RELCH: variants seen among roughly 807,000 people sequenced by gnomAD.
RELCH encodes RAB11 binding and LisH domain, coiled-coil and HEAT repeat containing.
In RELCH, 41 loss-of-function variants were observed where a neutral mutation model predicts 150.3. The observed-to-expected ratio is 0.27, with a 90% CI of 0.21 to 0.35. The LOEUF (loss-of-function observed/expected upper bound fraction) is 0.35. RELCH is among the 10% of genes least tolerant of loss of function. RELCH has a pLI of 1.00. For synonymous variants in RELCH, 478 were observed against 531.8 expected, an observed-to-expected ratio of 0.90 and a Z score of 1.39; for missense variants, 1,092 against 1,467.8, an observed-to-expected ratio of 0.74 and a Z score of 4.18.
At chr18:62,298,269 C>G (rs2045511754) in intron 27 of RELCH, among the ~76,000 whole-genome samples, 1 of 152,184 alleles carries the variant, frequency 6.6e-6, no homozygotes, top group South Asian at 2.1e-4. Context: ...ATCACTCACT[C>G]AGTCTCCCTG....
rs532765411 is a variant in RELCH, at chr18:62,273,141, TTTA to T, written c.2761-834_2761-832del. Among the ~76,000 whole-genome samples, 152 of 152,184 alleles carry T rather than the reference TTTA, an allele frequency of 1.0e-3. 1 individual carries two copies. The highest frequency in any genetic ancestry group is 3.6e-3 in the African/African-American group (148 of 41,560). ...TCTGTGTCCCTAATGTTGACTTGAC[TTTA>T]TTATGTATTTATTTTCTGACAGACT... On this transcript the variant is annotated intron_variant, in intron 20 of 28. Coordinates refer to ENST00000644646, the MANE Select transcript of RELCH (RefSeq NM_001346231.2).
intron 1 of RELCH, among the ~76,000 whole-genome samples, chr18:62,191,586 C>T (rs898095475): frequency 6.6e-6 from 1 of 151,972 alleles, no homozygotes; most frequent in Non-Finnish European, 1.5e-5. Context: ...CCTCACCCAC[C>T]ATGTCCATGT....
intron 9 of RELCH, 91 bp downstream of exon 9, chr18:62,231,360 T>G: frequency 1.4e-6 from 1 of 739,448 alleles, no homozygotes; most frequent in Non-Finnish European, 2.3e-6. Flanking sequence ...GCATCTGTGA[T>G]AAGACTGTAT....
chr18:62,273,882 C>T, intron 20 of RELCH, 98 bp from the exon 21 acceptor site: 54 of 731,648 alleles, frequency 7.4e-5, no homozygotes, highest in Middle Eastern at 2.5e-4. Flanking sequence ...GATATTTTCC[C>T]CTTATTTGGT....
chr18:62,228,204 T>C (rs1208296657), intron 7 of RELCH, 101 bp from the exon 8 acceptor site: 7 of 966,704 alleles, frequency 7.2e-6, no homozygotes, highest in South Asian at 5.0e-5. Flanking sequence ...ACTAATACTT[T>C]TAAATATGCT....
Position 62,291,539 on chromosome 18 carries a change from C to G in RELCH, c.3371-4C>G, listed in dbSNP as rs752397913. 1 of 1,596,874 alleles carries G rather than the reference C, an allele frequency of 6.3e-7. No individual in the cohort carries two copies. Among genetic ancestry groups the G allele is most frequent in the Admixed American group, 1.7e-5 (1 of 58,480 alleles). The stretch of plus-strand genomic sequence containing the variant: ...TTTAATTCCCTTAACTACCTTGTCC[C>G]AAGTCATTTCAGAGGATTTAATGGT... On this transcript the variant is annotated splice_region_variant and splice_polypyrimidine_tract_variant and intron_variant, in intron 26 of 28. Coordinates refer to ENST00000644646, the MANE Select transcript of RELCH (RefSeq NM_001346231.2).
chr18:62,266,678 A>C (rs1354386838), intron 18 of RELCH, 23 bp from the exon 19 acceptor site: 2 of 1,564,784 alleles, frequency 1.3e-6, no homozygotes, highest in Non-Finnish European at 1.8e-6. Context: ...AGACTTTTTG[A>C]ATCTTCTCTT....
intron 28 of RELCH, among the ~76,000 whole-genome samples, chr18:62,301,450 T>C (rs939613479): frequency 6.6e-6 from 1 of 152,244 alleles, no homozygotes; most frequent in East Asian, 1.9e-4. Flanking sequence ...AAGCAGCCTT[T>C]GGCAATATGT....
intron 8 of RELCH, among the ~76,000 whole-genome samples, chr18:62,230,191 G>A (rs941371319): frequency 5.3e-5 from 8 of 152,024 alleles, no homozygotes; most frequent in East Asian, 3.9e-4. Context: ...AGCCAGGGAC[G>A]ATGGGATGTG....
intron 26 of RELCH, among the ~76,000 whole-genome samples, chr18:62,287,855 C>T (rs190941342): frequency 1.8e-3 from 279 of 152,200 alleles, no homozygotes; most frequent in African/African-American, 6.5e-3. Flanking sequence ...ATGTTTAACT[C>T]TCAGTATCCA....
rs191406265 is a variant in RELCH at position 62,258,625 on chromosome 18, A to C, written c.2151A>C (p.Leu717Phe). The change falls in exon 15 of 29, where the codon TTA becomes TTC. Residue 717 changes from leucine to phenylalanine, a missense_variant. Around this residue, in one of 4 missense-constraint regions of RELCH, gnomAD observed 707 missense variants for 1,025.4 expected, o/e 0.69. Transcript: ENST00000644646. The part of the protein sequence containing the change: ...YAAWTTELGN[L>F]QSHLILTLLN... The stretch of plus-strand genomic sequence containing the variant: ...CGTGGACTACAGAACTTGGAAATTT[A>C]CAGTCTCATCTTATACTTACACTAC... The C allele has an allele frequency of 5.0e-5, 80 of 1,598,628 alleles. No homozygotes were observed. The South Asian group carries it at 8.8e-4, about 17-fold the overall frequency.
At chr18:62,276,808 C>T (rs17718887) in intron 22 of RELCH, among the ~76,000 whole-genome samples, 4 of 151,834 alleles carry the variant, frequency 2.6e-5, no homozygotes, top group East Asian at 3.9e-4. Flanking sequence ...TTTAAAAAGC[C>T]GTAATCAGGT....
Position 62,221,045 on chromosome 18 carries a change from T to C in RELCH, c.625T>C (p.Phe209Leu). The change falls in exon 3 of 29, where the codon TTT becomes CTT. Residue 209 changes from phenylalanine to leucine, a missense_variant. Transcript: ENST00000644646. ...ETDEKVAVLE[F>L]ELRKAKETIQ... The stretch of plus-strand genomic sequence containing the variant: ...TCCAAATCCCTGTCCAGTCCTGGAG[T>C]TTGAACTACGGAAAGCCAAGGAGAC... 6.2e-7 allele frequency: 1 copy of C among 1,613,134 alleles called. No homozygotes were observed. The highest frequency in any genetic ancestry group is 8.5e-7 in the Non-Finnish European group (1 of 1,179,394).
At chr18:62,208,908 T>C (rs1441373528) in intron 1 of RELCH, among the ~76,000 whole-genome samples, 1 of 152,154 alleles carries the variant, frequency 6.6e-6, no homozygotes, top group Non-Finnish European at 1.5e-5. Context: ...AATCAAGGTA[T>C]TGGCAGTTCT....
At chr18:62,302,591 G>A (rs1385857676) in intron 28 of RELCH, among the ~76,000 whole-genome samples, 1 of 152,126 alleles carries the variant, frequency 6.6e-6, no homozygotes. Flanking sequence ...CACCATCTCG[G>A]CTCACTGCAA....
At chr18:62,213,208 CTA>C (rs1375483324) in intron 2 of RELCH, among the ~76,000 whole-genome samples, 1 of 151,742 alleles carries the variant, frequency 6.6e-6, no homozygotes, top group East Asian at 1.9e-4. Flanking sequence ...TATTTAGAGA[CTA>C]TATCTAGTGT....
intron 1 of RELCH, among the ~76,000 whole-genome samples, chr18:62,205,721 T>C (rs1430948693): frequency 6.6e-6 from 1 of 152,236 alleles, no homozygotes. Flanking sequence ...TTTTTGTTTA[T>C]GTTGTCTTAA....
Position 62,309,016 on chromosome 18 carries a change from G to A in RELCH, c.*3482G>A, listed in dbSNP as rs2045947278. ...GCACTTTGGGAGGCTGAGGCGGGAAGATCACTTGAGGCCGGGAGTTCAAGA... is the reference window on the plus strand; with the variant it reads ...GCACTTTGGGAGGCTGAGGCGGGAAAATCACTTGAGGCCGGGAGTTCAAGA... On this transcript the variant is annotated 3_prime_UTR_variant, in exon 29 of 29. Transcript: ENST00000644646. 6.6e-6 allele frequency: 1 copy of A among 152,128 alleles called. No individual in the cohort carries two copies. Among genetic ancestry groups the A allele is most frequent in the Admixed American group, 6.6e-5 (1 of 15,262 alleles). The allele number at this position is 152,128 out of a possible 1,614,324, so 9.4% of individuals were successfully genotyped here.
rs190108929 is a variant in RELCH at position 62,245,235 on chromosome 18, A to G, written c.1733+359A>G. ...AAAAATAGCTTTCTAAAATATGTAT[A>G]AATCCTACTAAGACCTGATTACTTA... On this transcript the variant is annotated intron_variant, in intron 11 of 28. Transcript: ENST00000644646. Among the ~76,000 whole-genome samples the G allele has an allele frequency of 1.5e-3, 235 of 152,360 alleles. 1 individual carries two copies. The highest frequency in any genetic ancestry group is 5.3e-3 in the African/African-American group (219 of 41,584).
Sources: gnomAD v4.1 joint callset for allele counts (sites outside exome capture counted in the v4.1 genomes callset) on GRCh38, gnomAD v4.1.1 for gene constraint, gnomAD v4.1.1 regional missense constraint, MANE v1.5 for transcripts, NCBI Gene and HGNC (gene_info 2026-07-23, HGNC 2026-07-21) for gene names.